Variants in BCAS4 observed in about 807,000 individuals in gnomAD.
BCAS4 encodes the protein breast carcinoma-amplified sequence 4.
A neutral mutation model predicts 15.7 loss-of-function variants in BCAS4; 9 were observed. The ratio of observed to expected loss-of-function variants is 0.57; its 90% CI spans 0.34 to 1.00. The LOEUF (loss-of-function observed/expected upper bound fraction) is 1.00, where lower values mean the gene tolerates loss of function less well. Ranked by LOEUF, BCAS4 falls within the 50% of genes least tolerant of loss-of-function variation. BCAS4 has a pLI of 0.02. For missense variants in BCAS4, 225 were observed against 239.1 expected (o/e 0.94, Z 0.39); for synonymous variants, 101 against 99.5 (o/e 1.02, Z -0.09).
chr20:50,797,729 G>A (rs895639551), intron 1 of BCAS4, among the ~76,000 whole-genome samples: 2 of 151,686 alleles, frequency 1.3e-5, no homozygotes, highest in Non-Finnish European at 2.9e-5. Flanking sequence ...GCAATGGTGT[G>A]ATCTCGGCTC....
chr20:50,806,732 G>A lies in BCAS4; in HGVS notation c.91-11479G>A, dbSNP rs989004394. Among the ~76,000 whole-genome samples, 86 of 149,224 alleles carry A rather than the reference G, an allele frequency of 5.8e-4. 1 individual carries two copies. The highest frequency in any genetic ancestry group is 2.4e-4 in the Non-Finnish European group (16 of 67,964). On this transcript the variant is annotated intron_variant, in intron 1 of 4. Transcript: ENST00000371608. Reference sequence around the variant, plus strand: ...TTTTAATTTTTGGGGGTATATAGTAGGTATATATATTCAGGGGGTACATGA... The same window carrying A: ...TTTTAATTTTTGGGGGTATATAGTAAGTATATATATTCAGGGGGTACATGA...
At chr20:50,834,177 T>C (rs1353575787) in intron 3 of BCAS4, among the ~76,000 whole-genome samples, 1 of 151,794 alleles carries the variant, frequency 6.6e-6, no homozygotes, top group African/African-American at 2.4e-5. Flanking sequence ...TAACCCCCGC[T>C]CCCCACAAAG....
intron 4 of BCAS4, among the ~76,000 whole-genome samples, chr20:50,864,806 C>CT (rs1017963698): frequency 6.6e-6 from 1 of 152,018 alleles, no homozygotes; most frequent in East Asian, 1.9e-4. Context: ...ATTTAAATGA[C>CT]TTTTTGGCTG....
chr20:50,863,430 G>A (rs1334887726), intron 4 of BCAS4, among the ~76,000 whole-genome samples: 2 of 151,142 alleles, frequency 1.3e-5, no homozygotes, highest in Non-Finnish European at 2.9e-5. Flanking sequence ...GCTATTTTTT[G>A]TATTTTTAAT....
chr20:50,818,321 C>T (rs763485122), intron 2 of BCAS4, 39 bp downstream of exon 2: 1 of 1,187,056 alleles, frequency 8.4e-7, no homozygotes, highest in Admixed American at 2.6e-5. Flanking sequence ...TAGGCCCAGG[C>T]CAGACTTCAG....
chr20:50,861,365 G>A (rs1000796015), intron 4 of BCAS4, among the ~76,000 whole-genome samples: 2 of 152,208 alleles, frequency 1.3e-5, no homozygotes, highest in Non-Finnish European at 2.9e-5. Flanking sequence ...AGCTGTGGAG[G>A]GCTCCAGGGC....
intron 3 of BCAS4, among the ~76,000 whole-genome samples, chr20:50,838,919 C>T (rs376598987): frequency 7.2e-5 from 11 of 152,110 alleles, no homozygotes; most frequent in African/African-American, 4.8e-5. Context: ...GAGAGCAGGG[C>T]GCTATAGGCA....
chr20:50,876,772 G>C lies in BCAS4; in HGVS notation c.*164G>C. On this transcript the variant is annotated 3_prime_UTR_variant, in exon 5 of 5. Coordinates refer to ENST00000371608, the MANE Select transcript of BCAS4 (RefSeq NM_198799.4). Reference sequence around the variant, plus strand: ...TTGTCCAGACTGATCTCAAACTCCTGGGCTCAAGTGATCCACCCACCTTGG... The same window carrying C: ...TTGTCCAGACTGATCTCAAACTCCTCGGCTCAAGTGATCCACCCACCTTGG... The C allele has an allele frequency of 2.2e-6, 2 of 907,500 alleles. No individual in the cohort carries two copies. The highest frequency in any genetic ancestry group is 2.9e-6 in the Non-Finnish European group (2 of 684,404). 56.2% of individuals were successfully genotyped at this position (907,500 alleles called of 1,614,324 possible).
At chr20:50,804,702 C>T (rs755418049) in intron 1 of BCAS4, among the ~76,000 whole-genome samples, 122 of 152,208 alleles carry the variant, frequency 8.0e-4, no homozygotes, top group Non-Finnish European at 1.5e-3. Flanking sequence ...AATTAACCTT[C>T]CTGGAAGTCA....
chr20:50,858,826 G>A (rs183914661), intron 4 of BCAS4, among the ~76,000 whole-genome samples: 6 of 146,780 alleles, frequency 4.1e-5, no homozygotes, highest in East Asian at 2.0e-4. Context: ...TTCTGGGCTC[G>A]AGCAATCCTA....
intron 4 of BCAS4, among the ~76,000 whole-genome samples, chr20:50,857,910 T>C (rs1031497380): frequency 5.9e-5 from 9 of 152,186 alleles, no homozygotes; most frequent in Non-Finnish European, 1.2e-4. Context: ...CCTCTTTCCC[T>C]CTGTCTCTAG....
At chr20:50,825,961 TA>T (rs1286090830) in intron 2 of BCAS4, among the ~76,000 whole-genome samples, 3 of 152,116 alleles carry the variant, frequency 2.0e-5, no homozygotes, top group Admixed American at 2.0e-4. Flanking sequence ...CTTTGGGATT[TA>T]GGGGGCGAGG....
chr20:50,871,174 C>T (rs561185340), intron 4 of BCAS4, among the ~76,000 whole-genome samples: 2 of 152,330 alleles, frequency 1.3e-5, no homozygotes, highest in African/African-American at 2.4e-5. Context: ...CCCTAGAGGG[C>T]GATGGGCAAG....
chr20:50,880,268 G>C (rs931752947), downstream of BCAS4: 1 of 152,258 alleles, frequency 6.6e-6, no homozygotes, highest in Non-Finnish European at 1.5e-5. Context: ...CTGGGGAGAA[G>C]GAAGGCCGGG....
At chr20:50,850,399 T>G (rs768160931) in intron 4 of BCAS4, among the ~76,000 whole-genome samples, 2 of 152,174 alleles carry the variant, frequency 1.3e-5, no homozygotes, top group Non-Finnish European at 2.9e-5. Flanking sequence ...TGTCTCTACC[T>G]CCCTCTGTGA....
intron 4 of BCAS4, among the ~76,000 whole-genome samples, chr20:50,844,792 C>CT (rs1488105657): frequency 3.3e-5 from 5 of 152,152 alleles, no homozygotes; most frequent in Non-Finnish European, 7.4e-5. Context: ...CCTGCACCCT[C>CT]TCCTCTCCGC....
At position 50,817,486 on chromosome 20, in the gene BCAS4, G is replaced by A. The variant is rs563662290; in HGVS notation, c.91-725G>A. On this transcript the variant is annotated intron_variant, in intron 1 of 4. Coordinates refer to ENST00000371608, the MANE Select transcript of BCAS4 (RefSeq NM_198799.4). ...GAAGACATGTACTTTTTTTTGAGAC[G>A]GAGTCTCGCTCTGTTGCCCAGGCTA... 2.2e-4 allele frequency among the ~76,000 whole-genome samples: 33 copies of A among 151,874 alleles called. 1 individual carries two copies. The highest frequency in any genetic ancestry group is 7.0e-4 in the African/African-American group (29 of 41,442).
intron 4 of BCAS4, among the ~76,000 whole-genome samples, chr20:50,843,597 G>A (rs1403971434): frequency 6.6e-6 from 1 of 152,190 alleles, no homozygotes; most frequent in Non-Finnish European, 1.5e-5. Flanking sequence ...CCTGCTTCCA[G>A]GTGAGTGTTT....
intron 4 of BCAS4, among the ~76,000 whole-genome samples, chr20:50,850,198 A>G (rs1437738001): frequency 6.6e-6 from 1 of 152,176 alleles, no homozygotes; most frequent in Non-Finnish European, 1.5e-5. Context: ...TTGAGCCCCT[A>G]CTGTATACGA....
Sources: gnomAD v4.1 joint callset for allele counts (sites outside exome capture counted in the v4.1 genomes callset) on GRCh38, gnomAD v4.1.1 for gene constraint, MANE v1.5 for transcripts, NCBI Gene and HGNC (gene_info 2026-07-23, HGNC 2026-07-21) for gene names.